STK10: variants seen among roughly 807,000 people sequenced by gnomAD.
STK10 encodes serine/threonine-protein kinase 10.
In STK10, 78 loss-of-function variants were observed where a neutral mutation model predicts 113.8. The observed-to-expected ratio is 0.69, with a 90% confidence interval of 0.57 to 0.83. STK10 has a LOEUF of 0.83. STK10 is among the 40% of genes least tolerant of loss of function. The pLI is 0.00. For synonymous variants in STK10, 465 were observed against 494.7 expected (o/e 0.94, Z 0.80); for missense variants, 1,109 against 1,280.1 (o/e 0.87, Z 2.04).
intron 2 of STK10, among the ~76,000 whole-genome samples, chr5:172,128,784 G>A (rs1014823148): frequency 2.0e-5 from 3 of 152,170 alleles, no homozygotes; most frequent in Non-Finnish European, 4.4e-5. Context: ...CTGGAGAGTG[G>A]GGCAGTCAAG....
At chr5:172,154,341 G>A (rs1003072766) in intron 2 of STK10, among the ~76,000 whole-genome samples, 8 of 152,128 alleles carry the variant, frequency 5.3e-5, no homozygotes, top group African/African-American at 1.7e-4. Context: ...TCTACAACAT[G>A]GCCCCCAATT....
chr5:172,170,563 A>T (rs1162064814), intron 1 of STK10, among the ~76,000 whole-genome samples: 1 of 152,198 alleles, frequency 6.6e-6, no homozygotes, highest in Non-Finnish European at 1.5e-5. Flanking sequence ...TCCCTCAGGG[A>T]GGGGAAGCCT....
At chr5:172,148,051 G>A (rs1770121463) in intron 2 of STK10, among the ~76,000 whole-genome samples, 1 of 152,126 alleles carries the variant, frequency 6.6e-6, no homozygotes, top group Admixed American at 6.5e-5. Flanking sequence ...TAAGATGCCT[G>A]GCTTGGAGTC....
intron 2 of STK10, among the ~76,000 whole-genome samples, chr5:172,130,747 C>T (rs1769737066): frequency 6.6e-6 from 1 of 152,160 alleles, no homozygotes; most frequent in African/African-American, 2.4e-5. Context: ...CTAATCATCT[C>T]TTGCCTCCAA....
chr5:172,137,224 T>A lies in STK10; in HGVS notation c.322-9803A>T, dbSNP rs191612484. On this transcript the variant is annotated intron_variant, in intron 2 of 18. Transcript: ENST00000176763. ...CCTCTTGAGAATGTGGCCCAGCAGGTCTCAGCCTCATTTTACCCAGCCCCT... is the reference window on the plus strand; with the variant it reads ...CCTCTTGAGAATGTGGCCCAGCAGGACTCAGCCTCATTTTACCCAGCCCCT... 4.3e-3 allele frequency among the ~76,000 whole-genome samples: 656 copies of A among 152,220 alleles called. 2 individuals carry two copies. The highest frequency in any genetic ancestry group is 7.1e-3 in the Non-Finnish European group (484 of 68,008).
At chr5:172,057,732 A>T (rs1767840946) in intron 14 of STK10, among the ~76,000 whole-genome samples, 1 of 152,190 alleles carries the variant, frequency 6.6e-6, no homozygotes, top group South Asian at 2.1e-4. Flanking sequence ...GGAGCCACAG[A>T]AACTGCAGCT....
chr5:172,182,125 A>T (rs1453473005), intron 1 of STK10, among the ~76,000 whole-genome samples: 2 of 151,772 alleles, frequency 1.3e-5, no homozygotes, highest in Non-Finnish European at 2.9e-5. Flanking sequence ...CAGCATGGTA[A>T]AACCCCGTCT....
At chr5:172,091,989 G>A (rs1768720975) in intron 9 of STK10, among the ~76,000 whole-genome samples, 1 of 146,034 alleles carries the variant, frequency 6.8e-6, no homozygotes, top group Non-Finnish European at 1.5e-5. Flanking sequence ...GACTGTTTTT[G>A]CTCCCTGAGG....
chr5:172,150,323 A>C lies in STK10; in HGVS notation c.321+6301T>G, dbSNP rs558819144. 8.6e-5 allele frequency among the ~76,000 whole-genome samples: 13 copies of C among 151,582 alleles called. 1 individual carries two copies. Among genetic ancestry groups the C allele is most frequent in the African/African-American group, 3.1e-4 (13 of 41,328 alleles). ...TGGCGAAACCCCGTCTCTACTAAAA[A>C]TACAAAAATTAGCCGGGTGTGGTGG... On this transcript the variant is annotated intron_variant, in intron 2 of 18. Transcript: ENST00000176763.
chr5:172,090,483 T>C (rs1010001690), intron 9 of STK10, 121 bp from the exon 10 acceptor site: 1 of 1,373,870 alleles, frequency 7.3e-7, no homozygotes, highest in Non-Finnish European at 9.9e-7. Context: ...CAGAGAGATG[T>C]GGCCATCCAT....
intron 7 of STK10, among the ~76,000 whole-genome samples, chr5:172,099,047 C>A (rs902845273): frequency 2.0e-5 from 3 of 151,682 alleles, no homozygotes; most frequent in Non-Finnish European, 4.4e-5. Flanking sequence ...ACCACCATCA[C>A]CACCATCATT....
At chr5:172,140,738 T>TATTTTACACCTGTAAA (rs1207742180) in intron 2 of STK10, among the ~76,000 whole-genome samples, 1 of 152,060 alleles carries the variant, frequency 6.6e-6, no homozygotes. Flanking sequence ...ATAGAACTAC[T>TATTTTACACCTGTAAA]ATATGATCCA....
At chr5:172,076,143 CTGTCCTGTGCATTTGTTGTGGGGGCT>C (rs1768299840) in intron 12 of STK10, among the ~76,000 whole-genome samples, 1 of 147,516 alleles carries the variant, frequency 6.8e-6, no homozygotes, top group Admixed American at 6.8e-5. Flanking sequence ...GTTGTGGGGG[CTGTCCTGTGCATTTGTTGTGGGGGCT>C]GTCCTGTGCG....
chr5:172,172,759 C>A (rs891134541), intron 1 of STK10, among the ~76,000 whole-genome samples: 1 of 152,078 alleles, frequency 6.6e-6, no homozygotes, highest in Non-Finnish European at 1.5e-5. Flanking sequence ...GCGGGTGGAT[C>A]ACTTGAGGTC....
chr5:172,112,073 C>G (rs1443570101), intron 4 of STK10, among the ~76,000 whole-genome samples: 1 of 152,124 alleles, frequency 6.6e-6, no homozygotes, highest in Non-Finnish European at 1.5e-5. Context: ...TGTGGTTCAC[C>G]CCAGCTATGA....
At chr5:172,104,934 G>A (rs1158066196) in intron 7 of STK10, among the ~76,000 whole-genome samples, 1 of 152,160 alleles carries the variant, frequency 6.6e-6, no homozygotes, top group African/African-American at 2.4e-5. Flanking sequence ...CCTGGTGACT[G>A]TACTGGGAGA....
At chr5:172,172,213 G>A (rs940720019) in intron 1 of STK10, among the ~76,000 whole-genome samples, 1 of 150,768 alleles carries the variant, frequency 6.6e-6, no homozygotes, top group Non-Finnish European at 1.5e-5. Flanking sequence ...AGTATGGCAT[G>A]CACAGCCCTT....
At position 172,076,072 on chromosome 5, in the gene STK10, T is replaced by C. The variant is rs879832664; in HGVS notation, c.1989+6254A>G. Among the ~76,000 whole-genome samples the C allele has an allele frequency of 5.9e-5, 9 of 152,296 alleles. No individual in the cohort carries two copies. The South Asian group carries it at 6.2e-4, about 11-fold the overall frequency. On this transcript the variant is annotated intron_variant, in intron 12 of 18. Transcript: ENST00000176763. Reference sequence around the variant, plus strand: ...CCTTCTCCTATGTTCTTTGGCCTAATGGTCTTAGATCAGGGTTTTGCAACT... The same window carrying C: ...CCTTCTCCTATGTTCTTTGGCCTAACGGTCTTAGATCAGGGTTTTGCAACT...
intron 2 of STK10, among the ~76,000 whole-genome samples, chr5:172,139,347 G>C (rs180845289): frequency 2.0e-5 from 3 of 152,080 alleles, no homozygotes; most frequent in Non-Finnish European, 2.9e-5. Context: ...CAGACATATA[G>C]ATCAAGAGAA....
Sources: gnomAD v4.1 joint callset for allele counts (sites outside exome capture counted in the v4.1 genomes callset) on GRCh38, gnomAD v4.1.1 for gene constraint, MANE v1.5 for transcripts, NCBI Gene and HGNC (gene_info 2026-07-23, HGNC 2026-07-21) for gene names.